The following PRKD1 variants were observed in gnomAD, a reference collection of about 807,000 sequenced individuals.
PRKD1 encodes the protein serine/threonine-protein kinase D1.
PRKD1 carries 63 observed loss-of-function variants against 95.9 expected under a neutral mutation model. That is an observed-to-expected ratio of 0.66 (90% CI 0.54 to 0.81). The LOEUF is 0.81. PRKD1 is among the 30% of genes least tolerant of loss of function. PRKD1 has a pLI of 0.00. For synonymous variants in PRKD1, 425 were observed against 423.1 expected (o/e 1.00, Z -0.05); for missense variants, 1,048 against 1,165.3 (o/e 0.90, Z 1.47).
chr14:29,815,947 C>T (rs752211902), intron 1 of PRKD1, among the ~76,000 whole-genome samples: 35 of 152,264 alleles, frequency 2.3e-4, no homozygotes, highest in Admixed American at 4.6e-4. Context: ...AGGCCGGGCG[C>T]GGTGGCTCAC....
At chr14:29,867,133 A>C (rs1892937024) in intron 1 of PRKD1, among the ~76,000 whole-genome samples, 1 of 152,166 alleles carries the variant, frequency 6.6e-6, no homozygotes, top group Non-Finnish European at 1.5e-5. Flanking sequence ...TAGAAGCTTC[A>C]ATCTCATAAT....
intron 2 of PRKD1, among the ~76,000 whole-genome samples, chr14:29,673,321 C>T (rs1467799736): frequency 6.6e-6 from 1 of 152,060 alleles, no homozygotes; most frequent in Non-Finnish European, 1.5e-5. Context: ...GCCAAGGATA[C>T]TCTCCTCAAC....
intron 2 of PRKD1, among the ~76,000 whole-genome samples, chr14:29,722,902 T>C (rs1594459454): frequency 6.6e-6 from 1 of 151,904 alleles, no homozygotes; most frequent in African/African-American, 2.4e-5. Context: ...AAAAATATGG[T>C]CAAAAATGGT....
intron 2 of PRKD1, among the ~76,000 whole-genome samples, chr14:29,707,207 T>G (rs1226091452): frequency 3.3e-5 from 5 of 152,128 alleles, no homozygotes; most frequent in Non-Finnish European, 7.4e-5. Context: ...AGAAATATTG[T>G]TATCCAATCC....
chr14:29,760,919 T>C (rs750944999), intron 1 of PRKD1, among the ~76,000 whole-genome samples: 23 of 152,204 alleles, frequency 1.5e-4, no homozygotes, highest in Non-Finnish European at 2.8e-4. Context: ...TCAGCCAGAT[T>C]CTTTACGTTT....
intron 1 of PRKD1, among the ~76,000 whole-genome samples, chr14:29,818,352 C>G (rs1282498239): frequency 1.3e-5 from 2 of 152,120 alleles, no homozygotes; most frequent in Non-Finnish European, 2.9e-5. Context: ...TAATTTGATG[C>G]TAATTTTCTT....
At chr14:29,752,407 G>C (rs930161855) in intron 1 of PRKD1, among the ~76,000 whole-genome samples, 1 of 151,986 alleles carries the variant, frequency 6.6e-6, no homozygotes, top group Non-Finnish European at 1.5e-5. Flanking sequence ...TATAGGAAAA[G>C]AATGACATAA....
intron 1 of PRKD1, among the ~76,000 whole-genome samples, chr14:29,873,761 A>C (rs1893192730): frequency 6.6e-6 from 1 of 152,052 alleles, no homozygotes; most frequent in Admixed American, 6.5e-5. Context: ...GAAATATTAG[A>C]GATTATGTTC....
chr14:29,757,572 G>A (rs1252402963), intron 1 of PRKD1, among the ~76,000 whole-genome samples: 1 of 151,948 alleles, frequency 6.6e-6, no homozygotes, highest in Non-Finnish European at 1.5e-5. Flanking sequence ...ATAGTTCTGA[G>A]TGTCACAACA....
chr14:29,924,053 G>A (rs1895214407), intron 1 of PRKD1, among the ~76,000 whole-genome samples: 1 of 152,044 alleles, frequency 6.6e-6, no homozygotes, highest in African/African-American at 2.4e-5. Flanking sequence ...TACACTAACA[G>A]AATACATATC....
chr14:29,860,070 G>T (rs1241626408), intron 1 of PRKD1, among the ~76,000 whole-genome samples: 4 of 152,192 alleles, frequency 2.6e-5, no homozygotes, highest in Admixed American at 2.6e-4. Context: ...AAGGGCAAAA[G>T]GTTGCAAGGC....
intron 1 of PRKD1, among the ~76,000 whole-genome samples, chr14:29,901,195 G>C (rs1232375538): frequency 6.6e-6 from 1 of 152,152 alleles, no homozygotes; most frequent in African/African-American, 2.4e-5. Context: ...CAGCAACATG[G>C]ATGGAGTTAG....
intron 1 of PRKD1, among the ~76,000 whole-genome samples, chr14:29,876,121 G>A (rs2139386370): frequency 6.6e-6 from 1 of 152,252 alleles, no homozygotes; most frequent in Non-Finnish European, 1.5e-5. Context: ...TGCTTCAGAG[G>A]GAGAAACATA....
intron 5 of PRKD1, 45 bp from the exon 6 acceptor site, chr14:29,638,611 T>C: frequency 3.1e-6 from 5 of 1,613,084 alleles, no homozygotes; most frequent in Non-Finnish European, 4.2e-6. Context: ...GAATTTGTCA[T>C]AAAGAAAAGT....
intron 1 of PRKD1, among the ~76,000 whole-genome samples, chr14:29,832,528 T>A (rs1052543267): frequency 3.3e-5 from 5 of 152,094 alleles, no homozygotes; most frequent in African/African-American, 1.2e-4. Context: ...ACTGGTGGTA[T>A]AAAATTTATC....
chr14:29,784,408 G>T (rs1437822976), intron 1 of PRKD1, among the ~76,000 whole-genome samples: 1 of 152,052 alleles, frequency 6.6e-6, no homozygotes, highest in Admixed American at 6.6e-5. Context: ...TTTTAGAATT[G>T]ATTTTTCTAC....
chr14:29,682,246 C>A (rs1883580425), intron 2 of PRKD1, among the ~76,000 whole-genome samples: 1 of 152,134 alleles, frequency 6.6e-6, no homozygotes, highest in African/African-American at 2.4e-5. Context: ...GGCTTGGTGA[C>A]TATGATGCAC....
At chr14:29,713,714 T>C (rs1953714) in intron 2 of PRKD1, among the ~76,000 whole-genome samples, 47,983 of 152,066 alleles carry the variant, frequency 0.32, 7,736 homozygotes, top group South Asian at 0.43. Flanking sequence ...CTTCCTGATC[T>C]ATTTCTTTTT....
intron 1 of PRKD1, among the ~76,000 whole-genome samples, chr14:29,803,689 C>T (rs1415309527): frequency 6.6e-6 from 1 of 152,166 alleles, no homozygotes; most frequent in East Asian, 1.9e-4. Context: ...AAGGTTGACC[C>T]ATACTCCAAG....
Sources: allele counts gnomAD v4.1 joint callset (sites outside exome capture counted in the v4.1 genomes callset), GRCh38; gene constraint gnomAD v4.1.1; transcripts MANE v1.5; gene names NCBI Gene and HGNC (gene_info 2026-07-23, HGNC 2026-07-21).